Variants in PWP1 observed in about 807,000 individuals in gnomAD.
PWP1 encodes periodic tryptophan protein 1 homolog.
A neutral mutation model predicts 69.9 loss-of-function variants in PWP1; 47 were observed. That is an observed-to-expected ratio of 0.67 (90% CI 0.53 to 0.86). The LOEUF (loss-of-function observed/expected upper bound fraction) is 0.86, where lower values mean the gene tolerates loss of function less well. Among genes scored for constraint, PWP1 ranks in the 40% least tolerant of loss-of-function variants. The pLI is 0.00. For synonymous variants in PWP1, 222 were observed against 208.2 expected, an observed-to-expected ratio of 1.07 and a Z score of -0.57; for missense variants, 551 against 608.8, an observed-to-expected ratio of 0.91 and a Z score of 1.00.
chr12:107,691,474 G>C (rs1593141677), intron 3 of PWP1, among the ~76,000 whole-genome samples: 1 of 152,218 alleles, frequency 6.6e-6, no homozygotes. Flanking sequence ...CAACAGTGGA[G>C]AACAGGTTGG....
chr12:107,704,674 G>A lies in PWP1; in HGVS notation c.1004G>A (p.Ser335Asn). The change falls in exon 11 of 15, where the codon AGC becomes AAC. Residue 335 changes from serine (S) to asparagine (N), a missense_variant. Coordinates refer to ENST00000412830, the MANE Select transcript of PWP1 (RefSeq NM_007062.3). ...TATGACTGCCGAAGTCCAGATGAAA[G>A]CCATCGAATGTGGCGATTCAGTGGG... ...ALYDCRSPDE[S>N]HRMWRFSGQI... 6.2e-7 allele frequency: 1 copy of A among 1,614,006 alleles called. No homozygotes were observed. The highest frequency in any genetic ancestry group is 1.3e-5 in the African/African-American group (1 of 75,032).
intron 3 of PWP1, among the ~76,000 whole-genome samples, chr12:107,689,829 C>T (rs1029921992): frequency 1.3e-5 from 2 of 152,100 alleles, no homozygotes; most frequent in African/African-American, 2.4e-5. Context: ...TAGAAAGCCT[C>T]GTGGGGAATA....
At chr12:107,705,696 C>G (rs892108604) in intron 11 of PWP1, among the ~76,000 whole-genome samples, 10 of 152,072 alleles carry the variant, frequency 6.6e-5, no homozygotes, top group Admixed American at 2.6e-4. Context: ...CTACAAAGGA[C>G]ATGAACTCAT....
intron 11 of PWP1, among the ~76,000 whole-genome samples, chr12:107,706,009 C>T (rs953594082): frequency 1.3e-5 from 2 of 152,152 alleles, no homozygotes; most frequent in African/African-American, 4.8e-5. Flanking sequence ...GTTTACAGTC[C>T]CACCAACAGT....
At position 107,712,333 on chromosome 12, in the gene PWP1, T is replaced by C. The variant is rs1889972157; in HGVS notation, c.*113T>C. ...GAGTGACTGAAACACAATTCATTTC[T>C]GACTGACATTCCTTTCTGCAACTGC... On this transcript the variant is annotated 3_prime_UTR_variant, in exon 15 of 15. Transcript: ENST00000412830. The C allele has an allele frequency of 2.7e-6, 2 of 734,660 alleles. No homozygotes were observed. The highest frequency in any genetic ancestry group is 1.8e-5 in the African/African-American group (1 of 56,808). 45.5% of individuals were successfully genotyped at this position (734,660 alleles called of 1,614,324 possible). A position where few individuals can be genotyped will look rare whatever the true frequency, so the allele number is the denominator to read the frequency against.
chr12:107,696,642 C>G, intron 6 of PWP1, 58 bp downstream of exon 6: 3 of 1,599,222 alleles, frequency 1.9e-6, no homozygotes, highest in Non-Finnish European at 2.6e-6. Flanking sequence ...TTTCTCCTAG[C>G]TCCATAAATT....
At chr12:107,708,293 C>T (rs750519767) in intron 11 of PWP1, among the ~76,000 whole-genome samples, 6 of 152,188 alleles carry the variant, frequency 3.9e-5, no homozygotes, top group African/African-American at 4.8e-5. Context: ...CTTCCCTGGC[C>T]TAGCAGTCAG....
In PWP1 at chr12:107,688,448, G is replaced by A. The variant is rs1050046433; in HGVS notation, c.73G>A (p.Val25Ile). Residue 25 changes from valine (V) to isoleucine (I), a missense_variant and splice_region_variant, in exon 2 of 15, where the codon GTA becomes ATA. Physicochemically the swap from Val to Ile is conservative, Grantham distance 29. Transcript: ENST00000412830. ...CGVAKETPDK[V>I]ELSKEEVKRL... ...TAATGAAATCTTTGCTCTCTTACAG[G>A]TAGAGCTGAGTAAAGAAGAAGTAAA... 1 of 1,613,210 alleles carries A rather than the reference G, an allele frequency of 6.2e-7. No individual in the cohort carries two copies. Among genetic ancestry groups the A allele is most frequent in the African/African-American group, 1.3e-5 (1 of 74,886 alleles).
intron 3 of PWP1, among the ~76,000 whole-genome samples, chr12:107,690,091 G>A (rs1889450453): frequency 6.6e-6 from 1 of 152,216 alleles, no homozygotes; most frequent in African/African-American, 2.4e-5. Context: ...CTGACAGCTA[G>A]AATCAGCTAC....
At chr12:107,707,969 G>T (rs1470588888) in intron 11 of PWP1, among the ~76,000 whole-genome samples, 1 of 152,104 alleles carries the variant, frequency 6.6e-6, no homozygotes, top group Non-Finnish European at 1.5e-5. Context: ...AAAAGATGTG[G>T]ACAATTTTAG....
chr12:107,706,748 T>C (rs1486144526), intron 11 of PWP1, among the ~76,000 whole-genome samples: 3 of 152,168 alleles, frequency 2.0e-5, no homozygotes, highest in Non-Finnish European at 2.9e-5. Flanking sequence ...TGTTCTGTTC[T>C]ATTGGTCTAC....
chr12:107,694,756 C>G (rs1370730412), intron 5 of PWP1, among the ~76,000 whole-genome samples: 1 of 152,072 alleles, frequency 6.6e-6, no homozygotes, highest in Non-Finnish European at 1.5e-5. Flanking sequence ...CCTTTGAACT[C>G]AGGATCAAAG....
rs1250733349 is a variant in PWP1, at chr12:107,688,598, T to G, written c.132-17T>G. The stretch of plus-strand genomic sequence containing the variant: ...GGTAGCATTTGGGTGATTCTCTTTT[T>G]CTTTCTGTGCTCATAGAGAAGAAGG... On this transcript the variant is annotated splice_polypyrimidine_tract_variant and intron_variant, in intron 2 of 14. Transcript: ENST00000412830. The G allele has an allele frequency of 6.2e-7, 1 of 1,612,054 alleles. No homozygotes were observed. Among genetic ancestry groups the G allele is most frequent in the Non-Finnish European group, 8.5e-7 (1 of 1,178,412 alleles).
intron 7 of PWP1, 58 bp downstream of exon 7, chr12:107,697,655 A>AG: frequency 6.7e-7 from 1 of 1,495,022 alleles, no homozygotes; most frequent in Non-Finnish European, 9.2e-7. Context: ...ACTCGGGAGT[A>AG]GGGGTGAAGG....
At chr12:107,696,413 G>A (rs1889588772) in intron 5 of PWP1, 61 bp from the exon 6 acceptor site, 8 of 1,580,940 alleles carry the variant, frequency 5.1e-6, no homozygotes, top group African/African-American at 2.7e-5. Context: ...TTTTTTGAGC[G>A]GGATGTGATT....
rs771689809 is a variant in PWP1 at position 107,688,806 on chromosome 12, A to G, written c.319+4A>G. On this transcript the variant is annotated splice_donor_region_variant and intron_variant, in intron 3 of 14. Transcript: ENST00000412830. ...TATGATGAGGAAGGTGACCCAGGTT[A>G]GTTTATCCACTTCTGATGGTTTGTA... is the stretch of plus-strand genomic sequence containing the variant. The G allele has an allele frequency of 1.2e-6, 2 of 1,612,394 alleles. No individual in the cohort carries two copies. The highest frequency in any genetic ancestry group is 3.3e-5 in the Admixed American group (2 of 59,776).
intron 5 of PWP1, among the ~76,000 whole-genome samples, chr12:107,693,446 T>A (rs1468113108): frequency 6.6e-6 from 1 of 152,134 alleles, no homozygotes; most frequent in Non-Finnish European, 1.5e-5. Flanking sequence ...TGCTGGGTGC[T>A]GGATTACAGG....
intron 8 of PWP1, among the ~76,000 whole-genome samples, chr12:107,701,487 T>A (rs1316790815): frequency 6.6e-6 from 1 of 152,262 alleles, no homozygotes; most frequent in Non-Finnish European, 1.5e-5. Context: ...ATGCTTTTGA[T>A]GTTGTATCTA....
In PWP1 at chr12:107,699,412, CT is replaced by C. The variant is rs1241135084; in HGVS notation, c.787del (p.Ser263HisfsTer5). On this transcript the variant is annotated frameshift_variant, in exon 8 of 15. Transcript: ENST00000412830. LOFTEE classifies it high-confidence loss of function. Reference protein sequence around the residue: ...AEGHTDAVLDLSWNKLIRNVL... With the variant: ...AEGHTDAVLDXSWNKLIRNVL... ...AGGGCATACCGATGCTGTCCTTGAC[CT>C]TTCATGGAATAAGCTAATCAGGTAA... 6.2e-7 allele frequency: 1 copy of C among 1,612,876 alleles called. No individual in the cohort carries two copies. Among genetic ancestry groups the C allele is most frequent in the Non-Finnish European group, 8.5e-7 (1 of 1,179,092 alleles).
Sources: gnomAD v4.1 joint callset for allele counts (sites outside exome capture counted in the v4.1 genomes callset) on GRCh38, gnomAD v4.1.1 for gene constraint, MANE v1.5 for transcripts, NCBI Gene and HGNC (gene_info 2026-07-23, HGNC 2026-07-21) for gene names.